PTGER3: variants seen among roughly 807,000 people sequenced by gnomAD.
PTGER3 encodes the protein prostaglandin E2 receptor EP3 subtype.
A neutral mutation model predicts 34.7 loss-of-function variants in PTGER3; 22 were observed. The ratio of observed to expected loss-of-function variants is 0.63; its 90% CI spans 0.45 to 0.91. The LOEUF (loss-of-function observed/expected upper bound fraction) is 0.91, where lower values mean the gene tolerates loss of function less well. Among genes scored for constraint, PTGER3 ranks in the 40% least tolerant of loss-of-function variants. The pLI, the probability that PTGER3 is intolerant of heterozygous loss-of-function variation, is 0.00. For synonymous variants in PTGER3, 241 were observed against 230.1 expected (o/e 1.05, Z -0.43); for missense variants, 468 against 519.4 (o/e 0.90, Z 0.96).
chr1:70,872,725 A>T (rs571005872), intron 4 of PTGER3, among the ~76,000 whole-genome samples: 2 of 152,334 alleles, frequency 1.3e-5, no homozygotes. Flanking sequence ...AATTGTTCTC[A>T]TAGTCTATTT....
intron 1 of PTGER3, among the ~76,000 whole-genome samples, chr1:71,029,954 A>AATT (rs1557758387): frequency 6.8e-6 from 1 of 147,810 alleles, no homozygotes; most frequent in Non-Finnish European, 1.5e-5. Context: ...TAATAATAAT[A>AATT]ATAATAACAA....
intron 1 of PTGER3, among the ~76,000 whole-genome samples, chr1:71,017,739 C>T (rs1658036456): frequency 6.6e-6 from 1 of 152,152 alleles, no homozygotes; most frequent in Admixed American, 6.5e-5. Context: ...TTTCTTGAGG[C>T]CTCCCCAGCC....
intron 1 of PTGER3, among the ~76,000 whole-genome samples, chr1:71,032,256 G>A (rs1034841636): frequency 1.1e-4 from 16 of 151,894 alleles, no homozygotes; most frequent in African/African-American, 3.6e-4. Flanking sequence ...CTTACTTCTG[G>A]AAAATTCTCT....
intron 4 of PTGER3, among the ~76,000 whole-genome samples, chr1:70,872,385 A>G (rs1318338310): frequency 6.6e-6 from 1 of 152,190 alleles, no homozygotes; most frequent in Non-Finnish European, 1.5e-5. Context: ...CTTTGTGTCA[A>G]AATTTTGCTT....
intron 4 of PTGER3, among the ~76,000 whole-genome samples, chr1:70,888,296 C>CAA (rs1557631771): frequency 6.6e-6 from 1 of 152,148 alleles, no homozygotes; most frequent in Non-Finnish European, 1.5e-5. Context: ...TAATAGGCTT[C>CAA]TGGAGACAAT....
chr1:70,962,373 A>G (rs781083785), intron 2 of PTGER3, among the ~76,000 whole-genome samples: 2 of 150,828 alleles, frequency 1.3e-5, no homozygotes, highest in Non-Finnish European at 2.9e-5. Context: ...GCGTGCTTTG[A>G]TTCTAAATGT....
intron 2 of PTGER3, among the ~76,000 whole-genome samples, chr1:70,992,291 T>C (rs148287972): frequency 6.6e-6 from 1 of 152,344 alleles, no homozygotes; most frequent in East Asian, 1.9e-4. Context: ...TCTAAGGAGC[T>C]ATGCAACTTT....
chr1:70,943,618 C>T (rs1314365397), intron 4 of PTGER3, among the ~76,000 whole-genome samples: 1 of 152,042 alleles, frequency 6.6e-6, no homozygotes, highest in Non-Finnish European at 1.5e-5. Context: ...GTTGGTTTAA[C>T]CCAGTCTCTA....
At chr1:70,947,224 CA>C (rs1337218563) in intron 4 of PTGER3, among the ~76,000 whole-genome samples, 2 of 152,102 alleles carry the variant, frequency 1.3e-5, no homozygotes, top group African/African-American at 4.8e-5. Context: ...TGTCCCCACC[CA>C]AATTTCAACT....
At chr1:71,021,503 A>C (rs1658418391) in intron 1 of PTGER3, among the ~76,000 whole-genome samples, 1 of 149,626 alleles carries the variant, frequency 6.7e-6, no homozygotes, top group African/African-American at 2.6e-5. Context: ...GGTGACACAC[A>C]AGTTAGAAGA....
At chr1:70,901,336 G>A (rs1456413553) in intron 4 of PTGER3, among the ~76,000 whole-genome samples, 1 of 152,160 alleles carries the variant, frequency 6.6e-6, no homozygotes, top group Non-Finnish European at 1.5e-5. Flanking sequence ...ATGAAGAACA[G>A]GAATTGTGAA....
intron 4 of PTGER3, among the ~76,000 whole-genome samples, chr1:70,914,984 G>A (rs1438945192): frequency 1.3e-5 from 2 of 151,908 alleles, no homozygotes; most frequent in South Asian, 2.1e-4. Flanking sequence ...GTATATGCCG[G>A]GAACCTATGC....
intron 4 of PTGER3, among the ~76,000 whole-genome samples, chr1:70,912,574 C>T (rs561210654): frequency 1.4e-4 from 22 of 151,986 alleles, no homozygotes; most frequent in Non-Finnish European, 2.8e-4. Flanking sequence ...GGTACATGTA[C>T]AGAATTTCAG....
chr1:70,986,812 C>T (rs1054275640), intron 2 of PTGER3, among the ~76,000 whole-genome samples: 2 of 152,118 alleles, frequency 1.3e-5, no homozygotes, highest in African/African-American at 2.4e-5. Flanking sequence ...ACAACATTTG[C>T]CTCAAAGAGA....
At chr1:70,923,442 T>C (rs1339387495) in intron 4 of PTGER3, among the ~76,000 whole-genome samples, 1 of 152,164 alleles carries the variant, frequency 6.6e-6, no homozygotes, top group African/African-American at 2.4e-5. Flanking sequence ...GTTTTAATCC[T>C]CTTTGGAAGA....
chr1:70,872,049 G>A (rs1168761553), intron 4 of PTGER3, among the ~76,000 whole-genome samples: 1 of 152,192 alleles, frequency 6.6e-6, no homozygotes, highest in Non-Finnish European at 1.5e-5. Flanking sequence ...ATTGTGTTGA[G>A]GGAAGGGAGG....
chr1:70,916,535 A>G (rs114014158), intron 4 of PTGER3, among the ~76,000 whole-genome samples: 134 of 152,174 alleles, frequency 8.8e-4, no homozygotes, highest in African/African-American at 3.1e-3. Flanking sequence ...ATATACCATA[A>G]GATACGACAC....
At chr1:70,995,752 C>A (rs867057881) in intron 2 of PTGER3, among the ~76,000 whole-genome samples, 1 of 151,984 alleles carries the variant, frequency 6.6e-6, no homozygotes, top group Non-Finnish European at 1.5e-5. Flanking sequence ...TTAGAAAGTA[C>A]AAAATACTTT....
At chr1:70,942,838 A>G (rs11804478) in intron 4 of PTGER3, among the ~76,000 whole-genome samples, 1,922 of 152,302 alleles carry the variant, frequency 0.013, 37 homozygotes, top group African/African-American at 0.044. Context: ...ATGTGCAGGC[A>G]CAGGACACAA....
Sources: allele counts gnomAD v4.1 joint callset (sites outside exome capture counted in the v4.1 genomes callset), GRCh38; gene constraint gnomAD v4.1.1; transcripts MANE v1.5; gene names NCBI Gene and HGNC (gene_info 2026-07-23, HGNC 2026-07-21).